Variants in NSUN7 observed in about 807,000 individuals in gnomAD.
The protein encoded by NSUN7 is protein NSUN7.
In NSUN7, 39 loss-of-function variants were observed where a neutral mutation model predicts 58.5. That is an observed-to-expected ratio of 0.67 (90% confidence interval 0.52 to 0.87). The LOEUF is 0.87. NSUN7 is among the 40% of genes least tolerant of loss of function. The pLI is 0.00. For missense variants in NSUN7, 765 were observed against 844.1 expected (o/e 0.91, Z 1.16); for synonymous variants, 278 against 303.7 (o/e 0.92, Z 0.88).
chr4:40,807,086 T>G lies in NSUN7; in HGVS notation c.1426T>G (p.Cys476Gly). The G allele has an allele frequency of 2.6e-6, 4 of 1,551,844 alleles. No homozygotes were observed. The change falls in exon 11 of 12, where the codon TGC becomes GGC. Residue 476 changes from cysteine to glycine, a missense_variant. Physicochemically the swap from Cys to Gly is radical, Grantham distance 159. Coordinates refer to ENST00000381782, the MANE Select transcript of NSUN7 (RefSeq NM_024677.6). ...YRLSPPVLPL[C>G]SLKEIQLSTD... is the part of the protein sequence containing the mutation. The stretch of plus-strand genomic sequence containing the variant: ...GCTTAGTCCTCCTGTTCTTCCACTG[T>G]GCTCCTTAAAGGAAATTCAATTGTC...
At position 40,810,742 on chromosome 4, in the gene NSUN7, A is replaced by C. The variant is rs1257268894; in HGVS notation, c.*1803A>C. ...CTCAGCTTATTTTGCTGATTTTGAA[A>C]ATCAAACACTATCTCCTTGCCCTAA... On this transcript the variant is annotated 3_prime_UTR_variant, in exon 12 of 12. Coordinates refer to ENST00000381782, the MANE Select transcript of NSUN7 (RefSeq NM_024677.6). 6.6e-6 allele frequency: 1 copy of C among 152,150 alleles called. No homozygotes were observed. Among genetic ancestry groups the C allele is most frequent in the Non-Finnish European group, 1.5e-5 (1 of 68,026 alleles). The allele number at this position is 152,150 out of a possible 1,614,324, so 9.4% of individuals were successfully genotyped here. A position where few individuals can be genotyped will look rare whatever the true frequency, so the allele number is the denominator to read the frequency against.
In NSUN7 at chr4:40,807,244, A is replaced by G. The variant is rs569787038; in HGVS notation, c.1524+60A>G. On this transcript the variant is annotated intron_variant, in intron 11 of 11. Transcript: ENST00000381782. ...TGGAATTAATAAACTACAAAGCCTC[A>G]TAAGAGGAAGCCAGGAACTTTGCAC... 2.5e-4 allele frequency: 357 copies of G among 1,456,660 alleles called. 1 individual carries two copies. In the South Asian group the frequency reaches 4.2e-3, roughly 17 times the overall value. 90.2% of individuals were successfully genotyped at this position (1,456,660 alleles called of 1,614,324 possible).
chr4:40,776,215 A>C lies in NSUN7; in HGVS notation c.992A>C (p.Lys331Thr). The change falls in exon 7 of 12, where the codon AAG (lysine) becomes ACG (threonine). Residue 331 changes from lysine (K) to threonine (T), a missense_variant. Lys to Thr is a moderately conservative substitution (Grantham distance 78, BLOSUM62 -1). Coordinates refer to ENST00000381782, the MANE Select transcript of NSUN7 (RefSeq NM_024677.6). The stretch of plus-strand genomic sequence containing the variant: ...GTGTGTGGAGTACAATCACAAGCTA[A>C]GGATCCTGACTTGAAGACCCTTTTC... Reference protein sequence around the residue: ...VFVCGVQSQAKDPDLKTLFTK... With the variant: ...VFVCGVQSQATDPDLKTLFTK... 1 of 1,611,184 alleles carries C rather than the reference A, an allele frequency of 6.2e-7. No individual in the cohort carries two copies.
chr4:40,808,516 TA>T lies in NSUN7; in HGVS notation c.1736del (p.Asn579IlefsTer6), dbSNP rs1170991472. ...TGAATCGAGAAACTAAAGCCAGTGC[TA>T]ATCTATCAGAGACTGTAACAAAACC... is the stretch of plus-strand genomic sequence containing the variant. ...FLNRETKASA[N>X]LSETVTKPPL... On this transcript the variant is annotated frameshift_variant, in exon 12 of 12. Coordinates refer to ENST00000381782, the MANE Select transcript of NSUN7 (RefSeq NM_024677.6). LOFTEE classifies it low-confidence loss of function (END_TRUNC). 10 of 1,553,460 alleles carry T rather than the reference TA, an allele frequency of 6.4e-6. No individual in the cohort carries two copies. The highest frequency in any genetic ancestry group is 7.0e-6 in the Non-Finnish European group (8 of 1,147,580).
At chr4:40,771,945 T>A (rs1742033376) in intron 4 of NSUN7, among the ~76,000 whole-genome samples, 1 of 151,850 alleles carries the variant, frequency 6.6e-6, no homozygotes, top group Non-Finnish European at 1.5e-5. Context: ...TTTAAAGCTA[T>A]GGAAGAAGCT....
Position 40,770,210 on chromosome 4 carries a change from C to CAA in NSUN7, c.489-4037_489-4036dup, listed in dbSNP as rs36059628. 4.2e-3 allele frequency among the ~76,000 whole-genome samples: 395 copies of CAA among 94,738 alleles called. 1 individual carries two copies. Among genetic ancestry groups the CAA allele is most frequent in the African/African-American group, 0.015 (380 of 25,324 alleles). The allele number at this position is 94,738 out of a possible 152,430, so 62.2% of individuals were successfully genotyped here. On this transcript the variant is annotated intron_variant, in intron 4 of 11. Coordinates refer to ENST00000381782, the MANE Select transcript of NSUN7 (RefSeq NM_024677.6). Reference sequence around the variant, plus strand: ...AGATAACAAGAGGGAAACTCCATCTCAAAAAAAAAAAAAAAAAAAGAAATT... The same window carrying CAA: ...AGATAACAAGAGGGAAACTCCATCTCAAAAAAAAAAAAAAAAAAAAAGAAATT...
chr4:40,757,723 T>TAC (rs1741234403), intron 2 of NSUN7, among the ~76,000 whole-genome samples: 1 of 53,788 alleles, frequency 1.9e-5, no homozygotes, highest in South Asian at 4.1e-4. Context: ...TGTGTGTATA[T>TAC]ATACACACAC....
At chr4:40,799,496 TA>T (rs200893138) in intron 10 of NSUN7, among the ~76,000 whole-genome samples, 31,698 of 142,610 alleles carry the variant, frequency 0.22, 3,895 homozygotes, top group East Asian at 0.36. Context: ...CCTGTGTGTT[TA>T]AAAAAAAAAA....
chr4:40,805,724 G>A (rs955523379), intron 10 of NSUN7, among the ~76,000 whole-genome samples: 6 of 152,134 alleles, frequency 3.9e-5, no homozygotes, highest in African/African-American at 1.2e-4. Context: ...GGTGCTGGCC[G>A]GTTGGATTCC....
At chr4:40,772,795 C>T (rs1324274374) in intron 4 of NSUN7, among the ~76,000 whole-genome samples, 9 of 152,142 alleles carry the variant, frequency 5.9e-5, no homozygotes, top group African/African-American at 2.2e-4. Flanking sequence ...AAGTGTGCTC[C>T]CCTTCTGTAC....
At chr4:40,790,529 T>G in intron 7 of NSUN7, 73 bp from the exon 8 acceptor site, 1 of 940,952 alleles carries the variant, frequency 1.1e-6, no homozygotes, top group Non-Finnish European at 1.6e-6. Context: ...GTACAATAAA[T>G]AGATACAATC....
chr4:40,777,626 A>G (rs1376157610), intron 7 of NSUN7, among the ~76,000 whole-genome samples: 1 of 152,192 alleles, frequency 6.6e-6, no homozygotes, highest in African/African-American at 2.4e-5. Flanking sequence ...TGTATCTTCT[A>G]AATTTTTTCT....
At chr4:40,774,459 C>T in intron 5 of NSUN7, 42 bp downstream of exon 5, 1 of 1,578,272 alleles carries the variant, frequency 6.3e-7, no homozygotes. Flanking sequence ...AAGTCTCCAT[C>T]CTTTTAAAAT....
At chr4:40,786,687 G>A in intron 7 of NSUN7, 3 of 1,578,872 alleles carry the variant, frequency 1.9e-6, no homozygotes, top group Admixed American at 2.0e-5. Context: ...GAAGAAAAAT[G>A]TTGCGGCAAC....
chr4:40,753,775 A>G (rs1363670623), intron 2 of NSUN7, among the ~76,000 whole-genome samples: 1 of 152,128 alleles, frequency 6.6e-6, no homozygotes, highest in African/African-American at 2.4e-5. Flanking sequence ...GCGGGAGGTA[A>G]TGGAATCATG....
At chr4:40,757,327 C>T (rs1741190812) in intron 2 of NSUN7, among the ~76,000 whole-genome samples, 1 of 152,012 alleles carries the variant, frequency 6.6e-6, no homozygotes, top group South Asian at 2.1e-4. Flanking sequence ...TGCCCAACTA[C>T]AGGCTTATGT....
At chr4:40,755,099 A>G (rs1741073604) in intron 2 of NSUN7, among the ~76,000 whole-genome samples, 1 of 152,134 alleles carries the variant, frequency 6.6e-6, no homozygotes, top group Non-Finnish European at 1.5e-5. Context: ...CAATTAATTA[A>G]TTAATTTATT....
At chr4:40,757,664 T>C (rs562405383) in intron 2 of NSUN7, among the ~76,000 whole-genome samples, 5 of 146,414 alleles carry the variant, frequency 3.4e-5, no homozygotes, top group Middle Eastern at 3.6e-3. Flanking sequence ...TGTATATATA[T>C]ACATTGTGTG....
chr4:40,759,259 C>G (rs933646305), intron 2 of NSUN7, among the ~76,000 whole-genome samples: 1 of 151,956 alleles, frequency 6.6e-6, no homozygotes, highest in Non-Finnish European at 1.5e-5. Context: ...TGCAGTGAAC[C>G]GAGATTGTGC....
Sources: allele counts gnomAD v4.1 joint callset (sites outside exome capture counted in the v4.1 genomes callset), GRCh38; gene constraint gnomAD v4.1.1; transcripts MANE v1.5; gene names NCBI Gene and HGNC (gene_info 2026-07-23, HGNC 2026-07-21).